Variants in IRAK3 observed in about 807,000 individuals in gnomAD.
IRAK3 encodes the protein interleukin-1 receptor-associated kinase 3.
A neutral mutation model predicts 56.6 loss-of-function variants in IRAK3; 57 were observed. The observed-to-expected ratio is 1.01, with a 90% CI of 0.81 to 1.26. IRAK3 has a LOEUF of 1.26. Ranked by LOEUF, IRAK3 falls within the 50% of genes most tolerant of loss-of-function variation. The pLI is 0.00. For synonymous variants in IRAK3, 258 were observed against 255.7 expected (o/e 1.01, Z -0.09); for missense variants, 703 against 719.0 (o/e 0.98, Z 0.25).
At chr12:66,245,387 T>G (rs2053019450) in intron 11 of IRAK3, 125 bp downstream of exon 11, 3 of 1,003,374 alleles carry the variant, frequency 3.0e-6, no homozygotes, top group African/African-American at 1.6e-5. Flanking sequence ...AACAGAGAAT[T>G]CCAACATAAT....
chr12:66,215,785 T>C (rs928208876), intron 5 of IRAK3, among the ~76,000 whole-genome samples: 1 of 31,176 alleles, frequency 3.2e-5, no homozygotes, highest in Non-Finnish European at 6.5e-5. Context: ...TAACCCAACA[T>C]GCACACACAC....
At chr12:66,210,230 AT>A in intron 4 of IRAK3, 29 bp downstream of exon 4, 1 of 1,369,834 alleles carries the variant, frequency 7.3e-7, no homozygotes. Context: ...TTTTCCAACA[AT>A]TTTTTTAAAA....
chr12:66,244,976 G>A lies in IRAK3; in HGVS notation c.1115G>A (p.Arg372Lys). The A allele has an allele frequency of 6.2e-7, 1 of 1,613,140 alleles. No individual in the cohort carries two copies. The highest frequency in any genetic ancestry group is 8.5e-7 in the Non-Finnish European group (1 of 1,179,066). Reference protein sequence around the residue: ...IVIMEVLTGCRVVLDDPKHIQ... With the variant: ...IVIMEVLTGCKVVLDDPKHIQ... ...ATAATGGAAGTTCTAACAGGATGTA[G>A]AGTAGTGTTAGATGATCCAAAACAT... is the stretch of plus-strand genomic sequence containing the variant. The change falls in exon 10 of 12, where the codon AGA (arginine) becomes AAA (lysine). Residue 372 changes from arginine (R) to lysine (K), a missense_variant. By Grantham distance (26) the Arg-to-Lys change is conservative. Coordinates refer to ENST00000261233, the MANE Select transcript of IRAK3 (RefSeq NM_007199.3).
chr12:66,211,567 C>T lies in IRAK3; in HGVS notation c.558C>T (p.Asn186=). 1 of 1,611,980 alleles carries T rather than the reference C, an allele frequency of 6.2e-7. No individual in the cohort carries two copies. Among genetic ancestry groups the T allele is most frequent in the South Asian group, 1.1e-5 (1 of 91,020 alleles). ...IFEVYRVEIQ[N]LTYAVKLFKQ... ...AGGTATACAGAGTGGAGATTCAAAACCTAACATATGCTGTCAAATTATTTA... is the reference window on the plus strand; with the variant it reads ...AGGTATACAGAGTGGAGATTCAAAATCTAACATATGCTGTCAAATTATTTA... Residue 186 remains asparagine, a synonymous_variant, in exon 5 of 12, where the codon AAC becomes AAT. Transcript: ENST00000261233.
At chr12:66,208,275 C>T (rs1420524050) in intron 2 of IRAK3, among the ~76,000 whole-genome samples, 1 of 151,902 alleles carries the variant, frequency 6.6e-6, no homozygotes, top group Non-Finnish European at 1.5e-5. Context: ...AGCACTCTAC[C>T]ACATAGAAGT....
chr12:66,212,340 A>G (rs2052621012), intron 5 of IRAK3, among the ~76,000 whole-genome samples: 1 of 152,176 alleles, frequency 6.6e-6, no homozygotes, highest in African/African-American at 2.4e-5. Context: ...ACAAACCAAC[A>G]AACAGAGTAG....
At chr12:66,228,782 T>A (rs2052815115) in intron 8 of IRAK3, among the ~76,000 whole-genome samples, 1 of 152,192 alleles carries the variant, frequency 6.6e-6, no homozygotes, top group African/African-American at 2.4e-5. Context: ...CAGTATTCAA[T>A]GAATTGCATG....
Position 66,248,470 on chromosome 12 carries a change from A to T in IRAK3, c.*299A>T. 3.7e-6 allele frequency: 1 copy of T among 266,678 alleles called. No homozygotes were observed. The highest frequency in any genetic ancestry group is 6.4e-5 in the South Asian group (1 of 15,654). The allele number at this position is 266,678 out of a possible 1,614,324, so 16.5% of individuals were successfully genotyped here. ...ACTTCAGCCAAACAAAACAATCAAAACCTACCAAAAAGGGACTGGATTGTA... is the reference window on the plus strand; with the variant it reads ...ACTTCAGCCAAACAAAACAATCAAATCCTACCAAAAAGGGACTGGATTGTA... On this transcript the variant is annotated 3_prime_UTR_variant, in exon 12 of 12. Coordinates refer to ENST00000261233, the MANE Select transcript of IRAK3 (RefSeq NM_007199.3).
chr12:66,231,041 G>GT (rs1216303123), intron 8 of IRAK3, among the ~76,000 whole-genome samples: 1 of 152,200 alleles, frequency 6.6e-6, no homozygotes, highest in African/African-American at 2.4e-5. Flanking sequence ...ATCTTCAGTG[G>GT]TAATTCCTAT....
intron 8 of IRAK3, among the ~76,000 whole-genome samples, chr12:66,236,563 G>A (rs1407783134): frequency 2.7e-5 from 4 of 150,904 alleles, no homozygotes; most frequent in African/African-American, 4.9e-5. Context: ...ACAAGACTCC[G>A]TCTAAAAAAA....
At chr12:66,202,335 T>A (rs1228381959) in intron 1 of IRAK3, among the ~76,000 whole-genome samples, 1 of 152,142 alleles carries the variant, frequency 6.6e-6, no homozygotes, top group African/African-American at 2.4e-5. Context: ...ATTGAGCTTC[T>A]ATACACCATT....
intron 2 of IRAK3, among the ~76,000 whole-genome samples, chr12:66,207,597 A>AATG (rs1436589371): frequency 2.6e-5 from 4 of 152,060 alleles, no homozygotes; most frequent in African/African-American, 9.7e-5. Context: ...CTAGTTCCTT[A>AATG]ATGTGAAAGT....
intron 5 of IRAK3, among the ~76,000 whole-genome samples, chr12:66,212,277 G>A (rs1423264229): frequency 1.6e-4 from 24 of 152,258 alleles, no homozygotes; most frequent in Admixed American, 6.5e-5. Flanking sequence ...TTTATAAATT[G>A]TCTTCTATCA....
chr12:66,204,940 C>T, intron 2 of IRAK3, among the ~76,000 whole-genome samples: 1 of 152,128 alleles, frequency 6.6e-6, no homozygotes, highest in East Asian at 1.9e-4. Flanking sequence ...ATTCATATAA[C>T]TTGGCTAATT....
At chr12:66,201,796 A>G (rs983647752) in intron 1 of IRAK3, among the ~76,000 whole-genome samples, 6 of 152,212 alleles carry the variant, frequency 3.9e-5, no homozygotes, top group African/African-American at 9.6e-5. Flanking sequence ...TTAATTGCTC[A>G]AAAGTGTTCA....
At chr12:66,245,879 T>C (rs1212095527) in intron 11 of IRAK3, among the ~76,000 whole-genome samples, 2 of 152,112 alleles carry the variant, frequency 1.3e-5, no homozygotes, top group African/African-American at 4.8e-5. Flanking sequence ...TATTAATCTA[T>C]CCATAGACTT....
Position 66,217,239 on chromosome 12 carries a change from A to G in IRAK3, c.653+4A>G. 2 of 1,599,986 alleles carry G rather than the reference A, an allele frequency of 1.3e-6. No homozygotes were observed. Among genetic ancestry groups the G allele is most frequent in the Non-Finnish European group, 1.7e-6 (2 of 1,167,280 alleles). The stretch of plus-strand genomic sequence containing the variant: ...CTGAGCTTGAAGTTTTACTACTGTG[A>G]GTATGTTTTCTCTGGAATTTCCTCC... On this transcript the variant is annotated splice_donor_region_variant and intron_variant, in intron 6 of 11. Coordinates refer to ENST00000261233, the MANE Select transcript of IRAK3 (RefSeq NM_007199.3).
chr12:66,198,387 C>T (rs2052475024), intron 1 of IRAK3, among the ~76,000 whole-genome samples: 1 of 152,244 alleles, frequency 6.6e-6, no homozygotes, highest in Non-Finnish European at 1.5e-5. Flanking sequence ...CCTCTGCCCT[C>T]TTGTGTTGTC....
At chr12:66,247,219 G>A (rs113299958) in intron 11 of IRAK3, among the ~76,000 whole-genome samples, 3 of 152,172 alleles carry the variant, frequency 2.0e-5, no homozygotes, top group African/African-American at 7.2e-5. Flanking sequence ...GCAGTTAGCC[G>A]AGATTATCCC....
Sources: allele counts gnomAD v4.1 joint callset (sites outside exome capture counted in the v4.1 genomes callset), GRCh38; gene constraint gnomAD v4.1.1; transcripts MANE v1.5; gene names NCBI Gene and HGNC (gene_info 2026-07-23, HGNC 2026-07-21).